Variants in INTS8 observed in about 807,000 individuals in gnomAD.
INTS8 encodes the protein protein kaonashi-1.
Under a neutral mutation model 138.9 loss-of-function variants are expected in INTS8, and 47 were observed. The observed-to-expected ratio is 0.34, with a 90% CI of 0.27 to 0.43. The LOEUF (loss-of-function observed/expected upper bound fraction) is 0.43, where lower values mean the gene tolerates loss of function less well. INTS8 is among the 20% of genes least tolerant of loss of function. INTS8 has a pLI of 1.00. For missense variants in INTS8, 996 were observed against 1,173.0 expected (o/e 0.85, Z 2.20); for synonymous variants, 392 against 400.9 (o/e 0.98, Z 0.27).
Position 94,852,972 on chromosome 8 carries a change from T to C in INTS8, c.1642-833T>C, listed in dbSNP as rs561828144. On this transcript the variant is annotated intron_variant, in intron 13 of 26. Coordinates refer to ENST00000523731, the MANE Select transcript of INTS8 (RefSeq NM_017864.4). ...GAAAATAAAAAATTGCTCTAAAAAT[T>C]AGTTGGGCTTTTTTTTAGCATTGAT... 9.1e-4 allele frequency among the ~76,000 whole-genome samples: 139 copies of C among 152,208 alleles called. 1 individual carries two copies. The highest frequency in any genetic ancestry group is 7.9e-3 in the South Asian group (38 of 4,824).
At position 94,850,052 on chromosome 8, in the gene INTS8, C is replaced by G. The variant is rs1293749251; in HGVS notation, c.1468C>G (p.Leu490Val). The G allele has an allele frequency of 6.2e-7, 1 of 1,611,430 alleles. No individual in the cohort carries two copies. Residue 490 changes from leucine (L) to valine (V), a missense_variant, in exon 12 of 27, where the codon CTG becomes GTG. By Grantham distance (32) the Leu-to-Val change is conservative. Coordinates refer to ENST00000523731, the MANE Select transcript of INTS8 (RefSeq NM_017864.4). ...QMRKRSPRVN[L>V]CIKPVTSFYD... ...GAGGAAGAGATCCCCTAGAGTAAAT[C>G]TGTGCATTAAACCTGTAACTTCATT... is the stretch of plus-strand genomic sequence containing the variant.
chr8:94,843,745 C>T (rs1251827485), intron 10 of INTS8, among the ~76,000 whole-genome samples: 2 of 151,988 alleles, frequency 1.3e-5, no homozygotes, highest in Non-Finnish European at 2.9e-5. Context: ...GGTGTGCATA[C>T]GTACCAGTTT....
Position 94,861,256 on chromosome 8 carries a change from ATTTTTTTTTT to A in INTS8, c.2076+1638_2076+1647del, listed in dbSNP as rs1210530804. On this transcript the variant is annotated intron_variant, in intron 16 of 26. Transcript: ENST00000523731. Reference sequence around the variant, plus strand: ...CTTCAGTTTTTCCCCCCTTTTTGTAATTTTTTTTTTTTTTTTTTTTTTTGAGACGGAGTCT... The same window carrying A: ...CTTCAGTTTTTCCCCCCTTTTTGTAATTTTTTTTTTTTTGAGACGGAGTCT... Among the ~76,000 whole-genome samples the A allele has an allele frequency of 5.9e-4, 34 of 57,394 alleles. No individual in the cohort carries two copies. In the East Asian group the frequency reaches 0.02, roughly 34 times the overall value. The allele number at this position is 57,394 out of a possible 152,430, so 37.7% of individuals were successfully genotyped here.
chr8:94,864,462 CT>C (rs1241519015), intron 16 of INTS8, among the ~76,000 whole-genome samples: 2 of 152,172 alleles, frequency 1.3e-5, no homozygotes, highest in Non-Finnish European at 2.9e-5. Flanking sequence ...AATCTCAGCA[CT>C]TTGGGAGGCC....
intron 8 of INTS8, 84 bp downstream of exon 8, chr8:94,838,702 T>A: frequency 1.7e-6 from 2 of 1,161,540 alleles, no homozygotes; most frequent in Non-Finnish European, 2.5e-6. Flanking sequence ...ATTTACCAGT[T>A]ACGCGTTTTG....
chr8:94,857,770 C>T (rs1008653295), intron 15 of INTS8, among the ~76,000 whole-genome samples: 4 of 152,206 alleles, frequency 2.6e-5, no homozygotes, highest in African/African-American at 9.6e-5. Flanking sequence ...AAGTTCTGCC[C>T]TAATCCAGCT....
chr8:94,879,508 T>C (rs1402765949), intron 26 of INTS8, among the ~76,000 whole-genome samples: 1 of 150,668 alleles, frequency 6.6e-6, no homozygotes, highest in African/African-American at 2.4e-5. Flanking sequence ...GGCAGGAGAA[T>C]CACTTGAACC....
At chr8:94,832,418 A>G (rs1401467351) in intron 6 of INTS8, among the ~76,000 whole-genome samples, 1 of 152,228 alleles carries the variant, frequency 6.6e-6, no homozygotes, top group Non-Finnish European at 1.5e-5. Flanking sequence ...GACAGAGTTT[A>G]AGTACTGAGA....
chr8:94,827,098 C>CT (rs1554604173), intron 2 of INTS8, among the ~76,000 whole-genome samples, 165 bp from the exon 3 acceptor site: 1 of 152,060 alleles, frequency 6.6e-6, no homozygotes, highest in Non-Finnish European at 1.5e-5. Context: ...GAGCGAGACT[C>CT]TGTCTCAAAA....
chr8:94,855,468 C>A (rs560757521), intron 14 of INTS8, among the ~76,000 whole-genome samples: 1 of 152,234 alleles, frequency 6.6e-6, no homozygotes, highest in African/African-American at 2.4e-5. Context: ...TTAGACAATG[C>A]ATCATGAGAC....
At chr8:94,846,942 C>G (rs189956297) in intron 10 of INTS8, among the ~76,000 whole-genome samples, 1 of 152,326 alleles carries the variant, frequency 6.6e-6, no homozygotes, top group East Asian at 1.9e-4. Context: ...ATAGACCCAA[C>G]TAGGTCATGA....
At chr8:94,859,209 A>C (rs1328142384) in intron 15 of INTS8, among the ~76,000 whole-genome samples, 3 of 151,668 alleles carry the variant, frequency 2.0e-5, no homozygotes, top group Non-Finnish European at 4.4e-5. Context: ...TGAGCCTGGG[A>C]GCTCAAGGCT....
Position 94,869,968 on chromosome 8 carries a change from A to G in INTS8, c.2415-1916A>G, listed in dbSNP as rs544899627. On this transcript the variant is annotated intron_variant, in intron 20 of 26. Transcript: ENST00000523731. ...TTCACTTAGAGGTATATGACCTTCAATAAGTTGGTTTCTGTGCCATGTTCC... is the reference window on the plus strand; with the variant it reads ...TTCACTTAGAGGTATATGACCTTCAGTAAGTTGGTTTCTGTGCCATGTTCC... Among the ~76,000 whole-genome samples, 62 of 152,334 alleles carry G rather than the reference A, an allele frequency of 4.1e-4. 1 individual carries two copies. The East Asian group carries it at 7.3e-3, about 18-fold the overall frequency.
chr8:94,829,089 AC>A, intron 5 of INTS8, 63 bp downstream of exon 5: 1 of 1,235,112 alleles, frequency 8.1e-7, no homozygotes, highest in Non-Finnish European at 1.2e-6. Context: ...GCAGTTCCCA[AC>A]CTTTTTGGCA....
intron 21 of INTS8, 92 bp downstream of exon 21, chr8:94,872,094 A>C: frequency 3.2e-6 from 2 of 632,838 alleles, no homozygotes; most frequent in Non-Finnish European, 5.6e-6. Flanking sequence ...TCAATACTTA[A>C]GTTTTGTTGA....
chr8:94,876,917 A>G (rs927841063), intron 26 of INTS8, among the ~76,000 whole-genome samples: 10 of 152,190 alleles, frequency 6.6e-5, no homozygotes, highest in African/African-American at 2.2e-4. Flanking sequence ...AGAACATCCA[A>G]CTTCCCTCAG....
At chr8:94,866,726 T>C (rs1816189551) in intron 18 of INTS8, 1 of 173,430 alleles carries the variant, frequency 5.8e-6, no homozygotes, top group Non-Finnish European at 1.2e-5. Context: ...TTCTTTAAAT[T>C]GTAAAGAAGT....
At chr8:94,854,977 C>T (rs1815692492) in intron 14 of INTS8, among the ~76,000 whole-genome samples, 1 of 148,708 alleles carries the variant, frequency 6.7e-6, no homozygotes, top group African/African-American at 2.5e-5. Flanking sequence ...AACTCCTGGG[C>T]TCAAACAATC....
At chr8:94,823,638 C>G in intron 1 of INTS8, 77 bp downstream of exon 1, 1 of 1,223,582 alleles carries the variant, frequency 8.2e-7, no homozygotes. Context: ...CGCTCCCCGC[C>G]TTCTCGGTCA....
Sources: allele counts gnomAD v4.1 joint callset (sites outside exome capture counted in the v4.1 genomes callset), GRCh38; gene constraint gnomAD v4.1.1; transcripts MANE v1.5; gene names NCBI Gene and HGNC (gene_info 2026-07-23, HGNC 2026-07-21).